TGFB2: variants seen among roughly 807,000 people sequenced by gnomAD.
TGFB2 encodes the protein transforming growth factor beta-2 proprotein.
A neutral mutation model predicts 42.7 loss-of-function variants in TGFB2; 13 were observed. The ratio of observed to expected loss-of-function variants is 0.30; its 90% CI spans 0.20 to 0.48. The LOEUF (loss-of-function observed/expected upper bound fraction) is 0.48. Among genes scored for constraint, TGFB2 ranks in the 20% least tolerant of loss-of-function variants. The pLI, the probability that TGFB2 is intolerant of heterozygous loss-of-function variation, is 0.99. For missense variants in TGFB2, 390 were observed against 517.5 expected, an observed-to-expected ratio of 0.75 and a Z score of 2.39; for synonymous variants, 193 against 193.6, an observed-to-expected ratio of 1.00 and a Z score of 0.03.
chr1:218,433,126 T>G (rs10482803), intron 2 of TGFB2, among the ~76,000 whole-genome samples: 3,469 of 152,268 alleles, frequency 0.023, 48 homozygotes, highest in African/African-American at 0.043. Flanking sequence ...TGGAGTGCAG[T>G]AATGCCACCT....
chr1:218,391,718 CTGTT>C (rs987966766), intron 1 of TGFB2, among the ~76,000 whole-genome samples: 8 of 152,118 alleles, frequency 5.3e-5, no homozygotes, highest in Non-Finnish European at 8.8e-5. Flanking sequence ...ATCTGCAAAA[CTGTT>C]TGTGTGGAAA....
At chr1:218,414,453 G>A (rs1558252878) in intron 2 of TGFB2, among the ~76,000 whole-genome samples, 1 of 152,000 alleles carries the variant, frequency 6.6e-6, no homozygotes, top group Non-Finnish European at 1.5e-5. Context: ...CCTAGCCCCG[G>A]CGCCACATTG....
intron 1 of TGFB2, among the ~76,000 whole-genome samples, chr1:218,390,495 T>A (rs973216726): frequency 7.9e-5 from 12 of 152,172 alleles, no homozygotes; most frequent in African/African-American, 1.9e-4. Context: ...CGAGAGCAGG[T>A]TAAAATTCAA....
chr1:218,374,470 G>T (rs568446922), intron 1 of TGFB2, among the ~76,000 whole-genome samples: 76 of 152,310 alleles, frequency 5.0e-4, no homozygotes, highest in African/African-American at 1.7e-3. Context: ...TATGCTCCCA[G>T]TTTCTCCACG....
chr1:218,391,096 A>G (rs1307079194), intron 1 of TGFB2, among the ~76,000 whole-genome samples: 1 of 152,220 alleles, frequency 6.6e-6, no homozygotes, highest in Non-Finnish European at 1.5e-5. Flanking sequence ...CAGACTTTCC[A>G]TTCAGCTTTT....
rs552663462 is a variant in TGFB2 at position 218,409,599 on chromosome 1, G to A, written c.510+4267G>A. 1.2e-4 allele frequency among the ~76,000 whole-genome samples: 19 copies of A among 152,192 alleles called. No homozygotes were observed. The South Asian group carries it at 3.9e-3, about 32-fold the overall frequency. On this transcript the variant is annotated intron_variant, in intron 2 of 6. Transcript: ENST00000366930. ...TGAAGATGAGGCTAAATTATAGTCA[G>A]GAAACTGAACACATGCAATAAATTT...
intron 1 of TGFB2, among the ~76,000 whole-genome samples, chr1:218,387,315 A>G (rs969501138): frequency 7.2e-5 from 11 of 152,196 alleles, no homozygotes; most frequent in Non-Finnish European, 1.6e-4. Context: ...AGGTACAAAA[A>G]TTGACATGCC....
intron 1 of TGFB2, among the ~76,000 whole-genome samples, chr1:218,393,393 T>A (rs150388298): frequency 3.9e-5 from 6 of 152,342 alleles, no homozygotes; most frequent in African/African-American, 1.4e-4. Context: ...GTGCTTCTAA[T>A]CTATTAAAAG....
At position 218,405,316 on chromosome 1, in the gene TGFB2, G is replaced by A; in HGVS notation, c.494G>A (p.Arg165Gln). ...QNPKARVPEQ[R>Q]IELYQILKSK... The stretch of plus-strand genomic sequence containing the variant: ...CCAAAAGCCAGAGTGCCTGAACAAC[G>A]GATTGAGCTATATCAGGTAATGTTC... The change falls in exon 2 of 7, where the codon CGG (arginine) becomes CAG (glutamine). Residue 165 changes from arginine (R) to glutamine (Q), a missense_variant. By Grantham distance (43) the Arg-to-Gln change is conservative (BLOSUM62 1). Coordinates refer to ENST00000366930, the MANE Select transcript of TGFB2 (RefSeq NM_003238.6). 3 of 1,613,994 alleles carry A rather than the reference G, an allele frequency of 1.9e-6. No homozygotes were observed. Among genetic ancestry groups the A allele is most frequent in the Non-Finnish European group, 1.7e-6 (2 of 1,180,012 alleles).
At chr1:218,347,933 ATT>A (rs11406779) in intron 1 of TGFB2, among the ~76,000 whole-genome samples, 50 of 129,788 alleles carry the variant, frequency 3.9e-4, no homozygotes, top group African/African-American at 4.7e-4. Context: ...CGACAGCCGT[ATT>A]TTTTTTTTTT....
At chr1:218,426,272 G>A (rs1350238492) in intron 2 of TGFB2, among the ~76,000 whole-genome samples, 2 of 152,218 alleles carry the variant, frequency 1.3e-5, no homozygotes, top group Admixed American at 1.3e-4. Context: ...TGTAAGAGAT[G>A]TTGCCCTTAG....
chr1:218,429,852 G>A (rs1261747774), intron 2 of TGFB2, among the ~76,000 whole-genome samples: 1 of 152,126 alleles, frequency 6.6e-6, no homozygotes, highest in Non-Finnish European at 1.5e-5. Flanking sequence ...TCATAAGCAG[G>A]TTTAGAAATG....
intron 2 of TGFB2, among the ~76,000 whole-genome samples, chr1:218,420,762 A>G (rs1308628707): frequency 2.0e-5 from 3 of 152,192 alleles, no homozygotes; most frequent in Non-Finnish European, 2.9e-5. Flanking sequence ...ACAGGTGTAT[A>G]TCAATGTGTA....
intron 1 of TGFB2, among the ~76,000 whole-genome samples, chr1:218,358,995 G>T (rs996269080): frequency 4.7e-5 from 7 of 148,936 alleles, no homozygotes; most frequent in African/African-American, 1.7e-4. Context: ...GGTCCCCCCA[G>T]AGGTCAGTCA....
chr1:218,378,334 G>A (rs1046251089), intron 1 of TGFB2, among the ~76,000 whole-genome samples: 3 of 152,094 alleles, frequency 2.0e-5, no homozygotes, highest in South Asian at 2.1e-4. Context: ...CCGCCACTGC[G>A]CCCAGGTAAT....
At position 218,347,013 on chromosome 1, in the gene TGFB2, C is replaced by T; in HGVS notation, c.312C>T (p.Tyr104=). 6.2e-7 allele frequency: 1 copy of T among 1,605,704 alleles called. No individual in the cohort carries two copies. The highest frequency in any genetic ancestry group is 1.7e-5 in the Admixed American group (1 of 58,590). ...AAGAGTACTACGCCAAGGAGGTTTA[C>T]AAAATAGACATGCCGCCCTTCTTCC... ...SDEEYYAKEV[Y]KIDMPPFFPS... is the part of the protein sequence containing the mutation. Residue 104 remains tyrosine, a synonymous_variant, in exon 1 of 7, where the codon TAC becomes TAT. Transcript: ENST00000366930.
chr1:218,379,392 C>T (rs1657880318), intron 1 of TGFB2, among the ~76,000 whole-genome samples: 1 of 151,868 alleles, frequency 6.6e-6, no homozygotes, highest in Non-Finnish European at 1.5e-5. Context: ...CCTTGGCCTC[C>T]CAAAGTGCTG....
intron 1 of TGFB2, among the ~76,000 whole-genome samples, chr1:218,354,437 T>C (rs1348660103): frequency 1.3e-5 from 2 of 152,220 alleles, no homozygotes; most frequent in African/African-American, 2.4e-5. Context: ...CTAACCTTTA[T>C]TGAGGACTTT....
At chr1:218,362,012 C>G (rs985505563) in intron 1 of TGFB2, among the ~76,000 whole-genome samples, 2 of 152,136 alleles carry the variant, frequency 1.3e-5, no homozygotes, top group African/African-American at 4.8e-5. Flanking sequence ...AAGAGTGTTC[C>G]GCCTAGAAGG....
Sources: gnomAD v4.1 joint callset for allele counts (sites outside exome capture counted in the v4.1 genomes callset) on GRCh38, gnomAD v4.1.1 for gene constraint, MANE v1.5 for transcripts, NCBI Gene and HGNC (gene_info 2026-07-23, HGNC 2026-07-21) for gene names.